The following NUP210 variants were observed in gnomAD, a reference collection of about 807,000 sequenced individuals.
The protein encoded by NUP210 is nucleoporin 210.
Under a neutral mutation model 196.0 loss-of-function variants are expected in NUP210, and 151 were observed. The ratio of observed to expected loss-of-function variants is 0.77; its 90% CI spans 0.67 to 0.88. The LOEUF (loss-of-function observed/expected upper bound fraction) is 0.88. Ranked by LOEUF, NUP210 falls within the 40% of genes least tolerant of loss-of-function variation. NUP210 has a pLI of 0.00. For missense variants in NUP210, 2,314 were observed against 2,493.7 expected, an observed-to-expected ratio of 0.93 and a Z score of 1.53; for synonymous variants, 1,070 against 1,052.7, an observed-to-expected ratio of 1.02 and a Z score of -0.32.
Position 13,347,399 on chromosome 3 carries a change from G to A in NUP210, c.2836-4096C>T. On this transcript the variant is annotated intron_variant, in intron 20 of 39. Transcript: ENST00000254508. The surrounding 1 kb of genome is among the most constrained non-coding windows in gnomAD (Gnocchi z 4.7). ...TTGAAATGTAAAGAATCGTTGAAAAGAAGGAAAACTTAGGCTTAAATCGGA... is the reference window on the plus strand; with the variant it reads ...TTGAAATGTAAAGAATCGTTGAAAAAAAGGAAAACTTAGGCTTAAATCGGA... 4.3e-6 allele frequency: 4 copies of A among 919,722 alleles called. No individual in the cohort carries two copies. Among genetic ancestry groups the A allele is most frequent in the Non-Finnish European group, 5.2e-6 (4 of 770,216 alleles). 57.0% of individuals were successfully genotyped at this position (919,722 alleles called of 1,614,324 possible). A position where few individuals can be genotyped will look rare whatever the true frequency, so the allele number is the denominator to read the frequency against.
chr3:13,399,921 C>G, intron 1 of NUP210, 60 bp from the exon 2 acceptor site: 1 of 1,529,930 alleles, frequency 6.5e-7, no homozygotes, highest in Non-Finnish European at 8.8e-7. Context: ...ACAGTGGGGT[C>G]CAGACACCAG....
chr3:13,343,977 G>A (rs1375158581), intron 20 of NUP210, among the ~76,000 whole-genome samples: 1 of 152,192 alleles, frequency 6.6e-6, no homozygotes, highest in East Asian at 1.9e-4. Flanking sequence ...AAGGTGTTGT[G>A]AGTGAATGAA....
chr3:13,390,138 G>A (rs1037988319), intron 4 of NUP210, among the ~76,000 whole-genome samples: 7 of 152,162 alleles, frequency 4.6e-5, no homozygotes, highest in African/African-American at 7.2e-5. Context: ...AACAGTGTTC[G>A]TTTCCTAGTG....
chr3:13,364,520 G>A (rs1319153205), intron 14 of NUP210, among the ~76,000 whole-genome samples: 1 of 152,144 alleles, frequency 6.6e-6, no homozygotes, highest in African/African-American at 2.4e-5. Context: ...CCAGGGCTAG[G>A]GGTTCAGAGA....
intron 1 of NUP210, among the ~76,000 whole-genome samples, 163 bp from the exon 2 acceptor site, chr3:13,400,024 G>C (rs1298155600): frequency 6.6e-6 from 1 of 152,136 alleles, no homozygotes; most frequent in Non-Finnish European, 1.5e-5. Context: ...GGAGACGTGG[G>C]GCCCTGCCAA....
Position 13,322,252 on chromosome 3 carries a change from AC to A in NUP210, c.4855del (p.Val1619SerfsTer32), listed in dbSNP as rs1466517427. 3 of 1,614,078 alleles carry A rather than the reference AC, an allele frequency of 1.9e-6. No homozygotes were observed. In the African/African-American group the frequency reaches 4.0e-5, roughly 22 times the overall value. ...CACATCTTGAGATGGGAAATCAAAGACGGCCGGCTTGAACTGGGACTGGCAG... is the reference window on the plus strand; with the variant it reads ...CACATCTTGAGATGGGAAATCAAAGAGGCCGGCTTGAACTGGGACTGGCAG... ...ISCQSQFKPA[V>X]FDFPSQDVFT... On this transcript the variant is annotated frameshift_variant, in exon 35 of 40. Coordinates refer to ENST00000254508, the MANE Select transcript of NUP210 (RefSeq NM_024923.4). LOFTEE classifies it high-confidence loss of function.
chr3:13,327,365 C>T lies in NUP210; in HGVS notation c.4359G>A (p.Leu1453=), dbSNP rs1696805390. ...TCVVRTVSVG[L]TLLRVWDAEH... is the part of the protein sequence containing the mutation. Reference sequence around the variant, plus strand: ...CTGCGTCCCACACACGGAGCAGTGTCAGGCCCACGCTGACTGTGCGGACAA... The same window carrying T: ...CTGCGTCCCACACACGGAGCAGTGTTAGGCCCACGCTGACTGTGCGGACAA... Residue 1453 remains leucine, a synonymous_variant, in exon 32 of 40, where the codon CTG becomes CTA. Coordinates refer to ENST00000254508, the MANE Select transcript of NUP210 (RefSeq NM_024923.4). 2 of 1,613,390 alleles carry T rather than the reference C, an allele frequency of 1.2e-6. No individual in the cohort carries two copies. Among genetic ancestry groups the T allele is most frequent in the African/African-American group, 2.7e-5 (2 of 74,940 alleles).
intron 16 of NUP210, 109 bp downstream of exon 16, chr3:13,358,113 C>T (rs898666222): frequency 4.1e-6 from 4 of 969,670 alleles, no homozygotes; most frequent in African/African-American, 3.3e-5. Flanking sequence ...GGAAGTGCAG[C>T]GTGGAGCTAT....
intron 1 of NUP210, among the ~76,000 whole-genome samples, chr3:13,416,132 C>T (rs1439677119): frequency 1.3e-5 from 2 of 152,180 alleles, no homozygotes; most frequent in Non-Finnish European, 2.9e-5. Context: ...ATCCTTACAC[C>T]TGTGACTGAG....
intron 20 of NUP210, chr3:13,345,217 C>T: frequency 1.0e-6 from 1 of 985,468 alleles, no homozygotes; most frequent in South Asian, 4.7e-5. Flanking sequence ...TTTGTTAAGA[C>T]TTGGAAATTC....
At position 13,340,274 on chromosome 3, in the gene NUP210, G is replaced by C. The variant is rs778647243; in HGVS notation, c.3253C>G (p.Pro1085Ala). Residue 1085 changes from proline to alanine, a missense_variant, in exon 24 of 40, where the codon CCC becomes GCC. Pro to Ala is a conservative substitution (Grantham distance 27). Coordinates refer to ENST00000254508, the MANE Select transcript of NUP210 (RefSeq NM_024923.4). The surrounding 1 kb of genome is among the most constrained non-coding windows in gnomAD (Gnocchi z 4.0). ...IEVFPPFRLM[P>A]RKVTLLIGAT... ...CCGATAAGCAGTGTCACCTTCCTGG[G>C]CATCAGCCTGAACGGGGGAAAGACC... The C allele has an allele frequency of 1.2e-6, 2 of 1,613,432 alleles. No homozygotes were observed. The highest frequency in any genetic ancestry group is 2.2e-5 in the South Asian group (2 of 91,086).
chr3:13,324,791 C>T (rs746997512), intron 33 of NUP210, among the ~76,000 whole-genome samples: 2 of 152,204 alleles, frequency 1.3e-5, no homozygotes, highest in Non-Finnish European at 2.9e-5. Flanking sequence ...CTGAGTGTGG[C>T]ATAAGCTTCT....
Position 13,358,381 on chromosome 3 carries a change from C to T in NUP210, c.2169G>A (p.Ser723=), listed in dbSNP as rs181629461. The change falls in exon 16 of 40, where the codon TCG becomes TCA. Residue 723 remains serine, a synonymous_variant. Coordinates refer to ENST00000254508, the MANE Select transcript of NUP210 (RefSeq NM_024923.4). ...QALGEQVIAL[S]VGNKPSLTNP... is the part of the protein sequence containing the mutation. ...TGGTGAGGCTGGGCTTGTTCCCCAC[C>T]GACAGGGCGATGACCTGGTAGGGCA... 114 of 1,611,390 alleles carry T rather than the reference C, an allele frequency of 7.1e-5. No homozygotes were observed. The highest frequency in any genetic ancestry group is 6.8e-4 in the South Asian group (62 of 90,758).
At chr3:13,324,423 C>A (rs1243129444) in intron 33 of NUP210, among the ~76,000 whole-genome samples, 1 of 152,204 alleles carries the variant, frequency 6.6e-6, no homozygotes, top group African/African-American at 2.4e-5. Flanking sequence ...TGCCTCCTGC[C>A]TCACCTGGGA....
rs1697936351 is a variant in NUP210, at chr3:13,350,603, A to C, written c.2835+1276T>G. The stretch of plus-strand genomic sequence containing the variant: ...AAAGCCTTCCAACCAAACAACGATG[A>C]AGGGAGTAAAGGAAGATTTGATAAC... On this transcript the variant is annotated intron_variant, in intron 20 of 39. Transcript: ENST00000254508. The surrounding 1 kb of genome is among the most constrained non-coding windows in gnomAD (Gnocchi z 4.1). 6.6e-6 allele frequency among the ~76,000 whole-genome samples: 1 copy of C among 152,146 alleles called. No individual in the cohort carries two copies. The highest frequency in any genetic ancestry group is 6.5e-5 in the Admixed American group (1 of 15,268).
intron 4 of NUP210, among the ~76,000 whole-genome samples, chr3:13,388,775 G>A (rs1699371977): frequency 6.6e-6 from 1 of 152,228 alleles, no homozygotes; most frequent in African/African-American, 2.4e-5. Context: ...AGTCCACATG[G>A]GAACAGTGAG....
At chr3:13,325,305 A>T (rs945373423) in intron 33 of NUP210, among the ~76,000 whole-genome samples, 1 of 152,214 alleles carries the variant, frequency 6.6e-6, no homozygotes, top group African/African-American at 2.4e-5. Context: ...ATTAGGTTAA[A>T]CTGCTAGGTT....
At chr3:13,399,614 C>A in intron 2 of NUP210, 111 bp downstream of exon 2, 2 of 1,457,794 alleles carry the variant, frequency 1.4e-6, no homozygotes. Context: ...TGCCACTCAA[C>A]AAGAGAAAGC....
intron 15 of NUP210, among the ~76,000 whole-genome samples, chr3:13,358,775 G>A (rs17038082): frequency 0.034 from 5,210 of 152,326 alleles, 128 homozygotes; most frequent in Middle Eastern, 0.075. Context: ...CCCATGGAAC[G>A]AGGAACAGAC....
Sources: gnomAD v4.1 joint callset for allele counts (sites outside exome capture counted in the v4.1 genomes callset) on GRCh38, gnomAD v4.1.1 for gene constraint, Gnocchi (gnomAD v3.1) non-coding constraint, MANE v1.5 for transcripts, NCBI Gene and HGNC (gene_info 2026-07-23, HGNC 2026-07-21) for gene names.